WWOX: variants seen among roughly 807,000 people sequenced by gnomAD.
WWOX encodes WW domain-containing oxidoreductase.
Under a neutral mutation model 46.2 loss-of-function variants are expected in WWOX, and 69 were observed. The observed-to-expected ratio is 1.49, with a 90% CI of 1.23 to 1.82. The LOEUF (loss-of-function observed/expected upper bound fraction) is 1.82, where lower values mean the gene tolerates loss of function less well. Ranked by LOEUF, WWOX falls within the 40% of genes most tolerant of loss-of-function variation. The pLI, the probability that WWOX is intolerant of heterozygous loss-of-function variation, is 0.00. For synonymous variants in WWOX, 359 were observed against 202.6 expected (o/e 1.77, Z -6.56); for missense variants, 919 against 542.6 (o/e 1.69, Z -6.89).
At chr16:78,474,112 C>A (rs1330376535) in intron 8 of WWOX, among the ~76,000 whole-genome samples, 1 of 152,190 alleles carries the variant, frequency 6.6e-6, no homozygotes, top group African/African-American at 2.4e-5. Context: ...GCCTGTTAAG[C>A]ACGCTGTAAA....
chr16:78,146,600 C>T (rs1334466715), intron 4 of WWOX, among the ~76,000 whole-genome samples: 1 of 152,170 alleles, frequency 6.6e-6, no homozygotes, highest in Non-Finnish European at 1.5e-5. Context: ...TCACCCGTCC[C>T]TCATCATGGT....
chr16:78,961,686 G>C (rs2046273960), intron 8 of WWOX, among the ~76,000 whole-genome samples: 3 of 152,140 alleles, frequency 2.0e-5, no homozygotes, highest in Non-Finnish European at 1.5e-5. Flanking sequence ...AGGTGAGCTT[G>C]TTAAAATAAG....
rs1164302142 is a variant in WWOX at position 78,344,775 on chromosome 16, A to G, written c.517-42085A>G. On this transcript the variant is annotated intron_variant, in intron 5 of 8. Transcript: ENST00000566780. ...TGCCATTTGGCCCTGATAAAGCTGT[A>G]CTTTCTCACTTGTTCCTTATTTAAA... is the stretch of plus-strand genomic sequence containing the variant. Among the ~76,000 whole-genome samples, 4 of 121,760 alleles carry G rather than the reference A, an allele frequency of 3.3e-5. 2 individuals carry two copies. The highest frequency in any genetic ancestry group is 7.9e-5 in the Non-Finnish European group (4 of 50,854). The allele number at this position is 121,760 out of a possible 152,430, so 79.9% of individuals were successfully genotyped here.
At chr16:79,000,556 C>T (rs987625346) in intron 8 of WWOX, among the ~76,000 whole-genome samples, 4 of 152,072 alleles carry the variant, frequency 2.6e-5, no homozygotes, top group African/African-American at 7.2e-5. Flanking sequence ...AGGGAGGAAG[C>T]GTCCAGGAGC....
chr16:78,139,348 A>G (rs1338245125), intron 4 of WWOX, among the ~76,000 whole-genome samples: 2 of 152,150 alleles, frequency 1.3e-5, no homozygotes, highest in Non-Finnish European at 2.9e-5. Context: ...CACATTGTAT[A>G]AAAAGCAGAC....
At chr16:78,335,463 C>G (rs930281676) in intron 5 of WWOX, among the ~76,000 whole-genome samples, 1 of 152,126 alleles carries the variant, frequency 6.6e-6, no homozygotes, top group Admixed American at 6.5e-5. Context: ...GATCTCTTTC[C>G]TTTTTATGAT....
At chr16:78,395,463 G>T (rs1377892732) in intron 6 of WWOX, among the ~76,000 whole-genome samples, 2 of 152,166 alleles carry the variant, frequency 1.3e-5, no homozygotes, top group African/African-American at 4.8e-5. Context: ...AGGCTGCCAT[G>T]ATCATGCTAC....
intron 8 of WWOX, among the ~76,000 whole-genome samples, chr16:78,849,389 G>C (rs958079796): frequency 2.0e-5 from 3 of 151,302 alleles, no homozygotes; most frequent in Non-Finnish European, 4.4e-5. Flanking sequence ...GGCTAACACG[G>C]TGAAACCCCA....
rs539662730 is a variant in WWOX, at chr16:78,784,435, G to T, written c.1056+351683G>T. ...CCACCCAGGAGCCCTTAGGCCGCTG[G>T]TGAGTGAAGTTCTTACCCATTAGGG... On this transcript the variant is annotated intron_variant, in intron 8 of 8. Coordinates refer to ENST00000566780, the MANE Select transcript of WWOX (RefSeq NM_016373.4). Among the ~76,000 whole-genome samples, 11 of 152,086 alleles carry T rather than the reference G, an allele frequency of 7.2e-5. No individual in the cohort carries two copies. The East Asian group carries it at 1.2e-3, about 16-fold the overall frequency.
intron 5 of WWOX, among the ~76,000 whole-genome samples, chr16:78,313,718 C>CT (rs1442354492): frequency 6.6e-6 from 1 of 152,160 alleles, no homozygotes; most frequent in African/African-American, 2.4e-5. Flanking sequence ...GTCGATGTCC[C>CT]TGCCATCTAA....
chr16:78,384,082 C>G (rs570765372), intron 5 of WWOX, among the ~76,000 whole-genome samples: 33 of 152,276 alleles, frequency 2.2e-4, no homozygotes, highest in Middle Eastern at 3.4e-3. Context: ...GGGTCGCCAT[C>G]TGGGAATGTT....
At chr16:78,568,618 G>T (rs533293771) in intron 8 of WWOX, among the ~76,000 whole-genome samples, 1 of 151,960 alleles carries the variant, frequency 6.6e-6, no homozygotes, top group African/African-American at 2.4e-5. Context: ...TGGGATTACA[G>T]GCACCCGCCG....
intron 8 of WWOX, among the ~76,000 whole-genome samples, chr16:78,753,635 A>G (rs2142459369): frequency 1.3e-5 from 2 of 151,256 alleles, no homozygotes; most frequent in South Asian, 2.1e-4. Flanking sequence ...TCCCATCTCT[A>G]CAAAACATAA....
chr16:78,355,679 A>G (rs1187123958), intron 5 of WWOX: 4 of 735,154 alleles, frequency 5.4e-6, no homozygotes, highest in Admixed American at 3.8e-5. Context: ...ACATTTAAAT[A>G]TGATCTTGGG....
chr16:78,843,195 A>G lies in WWOX; in HGVS notation c.1057-368413A>G, dbSNP rs142020764. Reference sequence around the variant, plus strand: ...CACTGTCCTAGGAGAGGAAAATTCAATAAACACAAAAGCAAAGATTAGAAC... The same window carrying G: ...CACTGTCCTAGGAGAGGAAAATTCAGTAAACACAAAAGCAAAGATTAGAAC... On this transcript the variant is annotated intron_variant, in intron 8 of 8. Transcript: ENST00000566780. Among the ~76,000 whole-genome samples, 316 of 150,290 alleles carry G rather than the reference A, an allele frequency of 2.1e-3. 5 individuals carry two copies. The highest frequency in any genetic ancestry group is 7.2e-3 in the African/African-American group (298 of 41,398).
At chr16:78,730,533 C>G (rs942222694) in intron 8 of WWOX, among the ~76,000 whole-genome samples, 2 of 151,934 alleles carry the variant, frequency 1.3e-5, no homozygotes, top group Non-Finnish European at 2.9e-5. Flanking sequence ...CTCACTGCAG[C>G]CTCAACCGCC....
At chr16:78,516,124 T>G (rs543584837) in intron 8 of WWOX, among the ~76,000 whole-genome samples, 18 of 152,280 alleles carry the variant, frequency 1.2e-4, no homozygotes, top group African/African-American at 4.1e-4. Context: ...GTTCTTGGCG[T>G]GCCCCTTTCT....
Position 78,339,587 on chromosome 16 carries a change from G to A in WWOX, c.517-47273G>A, listed in dbSNP as rs192084964. ...TTATTGTTTTGTGGGAGCATGTCTT[G>A]TAGTAGCTTTCTGAAAAAGGATGAT... On this transcript the variant is annotated intron_variant, in intron 5 of 8. Coordinates refer to ENST00000566780, the MANE Select transcript of WWOX (RefSeq NM_016373.4). Among the ~76,000 whole-genome samples, 8 of 119,952 alleles carry A rather than the reference G, an allele frequency of 6.7e-5. No individual in the cohort carries two copies. The East Asian group carries it at 1.6e-3, about 23-fold the overall frequency. 78.7% of individuals were successfully genotyped at this position (119,952 alleles called of 152,430 possible). A position where few individuals can be genotyped will look rare whatever the true frequency, so the allele number is the denominator to read the frequency against.
chr16:78,326,580 C>G (rs1250576360), intron 5 of WWOX, among the ~76,000 whole-genome samples: 5 of 66,812 alleles, frequency 7.5e-5, no homozygotes, highest in South Asian at 1.4e-3. Context: ...TCCCCCCGCC[C>G]CCCCCCCCCG....
Sources: allele counts gnomAD v4.1 joint callset (sites outside exome capture counted in the v4.1 genomes callset), GRCh38; gene constraint gnomAD v4.1.1; transcripts MANE v1.5; gene names NCBI Gene and HGNC (gene_info 2026-07-23, HGNC 2026-07-21).